Variants in MAP2 observed in about 807,000 individuals in gnomAD.
MAP2 encodes the protein microtubule associated protein 2.
Under a neutral mutation model 137.6 loss-of-function variants are expected in MAP2, and 14 were observed. The observed-to-expected ratio is 0.10, with a 90% CI of 0.07 to 0.16. The LOEUF is 0.16. MAP2 is among the 10% of genes least tolerant of loss of function. The pLI, the probability that MAP2 is intolerant of heterozygous loss-of-function variation, is 1.00. For synonymous variants in MAP2, 786 were observed against 782.3 expected, an observed-to-expected ratio of 1.00 and a Z score of -0.08; for missense variants, 2,088 against 2,191.5, an observed-to-expected ratio of 0.95 and a Z score of 0.94.
At chr2:209,640,328 G>A (rs13399574) in intron 4 of MAP2, among the ~76,000 whole-genome samples, 1 of 151,984 alleles carries the variant, frequency 6.6e-6, no homozygotes, top group African/African-American at 2.4e-5. Flanking sequence ...ATACACAGAA[G>A]CCTGTCCATT....
At chr2:209,723,706 T>C in intron 13 of MAP2, 1 of 1,588,230 alleles carries the variant, frequency 6.3e-7, no homozygotes, top group Non-Finnish European at 8.6e-7. Flanking sequence ...AAGCGCCTTT[T>C]AGAAAGCTGT....
chr2:209,492,317 A>T (rs970194083), intron 1 of MAP2, among the ~76,000 whole-genome samples: 1 of 152,204 alleles, frequency 6.6e-6, no homozygotes, highest in African/African-American at 2.4e-5. Context: ...TTTATGGCAA[A>T]CCCACAGCCA....
At chr2:209,549,618 T>C (rs897311797) in intron 2 of MAP2, among the ~76,000 whole-genome samples, 1 of 152,222 alleles carries the variant, frequency 6.6e-6, no homozygotes, top group Non-Finnish European at 1.5e-5. Flanking sequence ...CTGATATAGA[T>C]TTAAATGTCA....
In MAP2 at chr2:209,695,841, C is replaced by T. The variant is rs149194467; in HGVS notation, c.3671C>T (p.Thr1224Met). The change falls in exon 8 of 16, where the codon ACG (threonine) becomes ATG (methionine). Residue 1224 changes from threonine to methionine, a missense_variant. By Grantham distance (81) the Thr-to-Met change is moderately conservative. Around this residue, in one of 6 missense-constraint regions of MAP2, gnomAD observed 591 missense variants for 642.6 expected, o/e 0.92. Transcript: ENST00000682079. ...PSDVAEPLHE[T>M]IVSEPAEIQS... The stretch of plus-strand genomic sequence containing the variant: ...GATGTTGCAGAGCCATTGCATGAAA[C>T]GATCGTATCTGAACCAGCAGAGATT... The T allele has an allele frequency of 4.1e-5, 66 of 1,614,052 alleles. No individual in the cohort carries two copies. The African/African-American group carries it at 4.3e-4, about 10-fold the overall frequency.
chr2:209,633,128 A>G (rs2093248707), intron 4 of MAP2, among the ~76,000 whole-genome samples: 1 of 152,080 alleles, frequency 6.6e-6, no homozygotes, highest in African/African-American at 2.4e-5. Flanking sequence ...GTACTTCCTC[A>G]ATTTAATTAT....
chr2:209,695,630 A>T lies in MAP2; in HGVS notation c.3460A>T (p.Thr1154Ser). Residue 1154 changes from threonine (T) to serine (S), a missense_variant, in exon 8 of 16, where the codon ACA becomes TCA. This residue lies in a region of MAP2 where 591 missense variants were observed against 642.6 expected (regional missense o/e 0.92). Coordinates refer to ENST00000682079, the MANE Select transcript of MAP2 (RefSeq NM_001375505.1). ...SLKADEGKKE[T>S]SPESSLIQDE... ...GAAAGCTGATGAGGGCAAGAAGGAA[A>T]CATCTCCAGAATCATCTCTAATTCA... The T allele has an allele frequency of 1.2e-6, 2 of 1,614,090 alleles. No individual in the cohort carries two copies. The highest frequency in any genetic ancestry group is 1.7e-6 in the Non-Finnish European group (2 of 1,179,988).
intron 1 of MAP2, among the ~76,000 whole-genome samples, chr2:209,448,454 T>C (rs1699598640): frequency 6.6e-6 from 1 of 152,184 alleles, no homozygotes; most frequent in South Asian, 2.1e-4. Flanking sequence ...GAGTCTTCAC[T>C]TGGTTGTGTT....
Position 209,505,763 on chromosome 2 carries a change from G to A in MAP2, c.-221-1829G>A, listed in dbSNP as rs990191860. ...AAGGTGGGTGGATTGCTTGAGTTCA[G>A]GAGTTTGAGACCAGCCTGGGGAACA... On this transcript the variant is annotated intron_variant, in intron 1 of 15. Coordinates refer to ENST00000682079, the MANE Select transcript of MAP2 (RefSeq NM_001375505.1). 1.3e-5 allele frequency among the ~76,000 whole-genome samples: 2 copies of A among 152,044 alleles called. 1 individual carries two copies. Among genetic ancestry groups the A allele is most frequent in the African/African-American group, 4.8e-5 (2 of 41,394 alleles).
At chr2:209,681,241 G>T (rs1412567822) in intron 7 of MAP2, among the ~76,000 whole-genome samples, 1 of 152,158 alleles carries the variant, frequency 6.6e-6, no homozygotes, top group Non-Finnish European at 1.5e-5. Flanking sequence ...TTATGAAAGT[G>T]TCAGGAATTA....
At chr2:209,442,168 T>C (rs1185232149) in intron 1 of MAP2, among the ~76,000 whole-genome samples, 1 of 151,594 alleles carries the variant, frequency 6.6e-6, no homozygotes, top group Non-Finnish European at 1.5e-5. Flanking sequence ...GTATACTCAT[T>C]TAACTATTTC....
intron 2 of MAP2, among the ~76,000 whole-genome samples, chr2:209,573,211 A>G (rs1269461025): frequency 6.6e-6 from 1 of 151,958 alleles, no homozygotes; most frequent in Non-Finnish European, 1.5e-5. Context: ...TGGCCATGGA[A>G]TTCAAAGACT....
At chr2:209,603,603 A>G (rs2083666613) in intron 3 of MAP2, among the ~76,000 whole-genome samples, 1 of 152,158 alleles carries the variant, frequency 6.6e-6, no homozygotes, top group Admixed American at 6.6e-5. Context: ...GTTAATAGCT[A>G]AGAAGGGGTT....
rs550004754 is a variant in MAP2, at chr2:209,596,077, A to C, written c.-107+15977A>C. On this transcript the variant is annotated intron_variant, in intron 3 of 15. Transcript: ENST00000682079. Reference sequence around the variant, plus strand: ...TATGTAACAAACCTACACGTTGTGCACATGTACCCTAGAACTTAAAGTATA... The same window carrying C: ...TATGTAACAAACCTACACGTTGTGCCCATGTACCCTAGAACTTAAAGTATA... Among the ~76,000 whole-genome samples, 55 of 152,320 alleles carry C rather than the reference A, an allele frequency of 3.6e-4. No homozygotes were observed. The South Asian group carries it at 3.9e-3, about 11-fold the overall frequency.
chr2:209,436,023 A>AT (rs1553537313), intron 1 of MAP2, among the ~76,000 whole-genome samples: 9 of 140,186 alleles, frequency 6.4e-5, no homozygotes, highest in South Asian at 4.3e-4. Flanking sequence ...TATTATATAT[A>AT]AAATATATAT....
chr2:209,655,301 T>G (rs2095071938), intron 5 of MAP2, among the ~76,000 whole-genome samples: 1 of 152,206 alleles, frequency 6.6e-6, no homozygotes, highest in South Asian at 2.1e-4. Context: ...ACAAAAATTG[T>G]AAACAGTCAG....
chr2:209,571,142 T>C (rs1368059440), intron 2 of MAP2, among the ~76,000 whole-genome samples: 1 of 152,008 alleles, frequency 6.6e-6, no homozygotes, highest in Non-Finnish European at 1.5e-5. Context: ...ACATGGTATG[T>C]GTGTAAAATA....
At chr2:209,540,964 A>G (rs1300178265) in intron 2 of MAP2, among the ~76,000 whole-genome samples, 1 of 151,006 alleles carries the variant, frequency 6.6e-6, no homozygotes, top group Non-Finnish European at 1.5e-5. Flanking sequence ...TGGTCTATTA[A>G]GTGTGCAATA....
At chr2:209,478,343 T>C (rs1288210114) in intron 1 of MAP2, among the ~76,000 whole-genome samples, 1 of 152,146 alleles carries the variant, frequency 6.6e-6, no homozygotes, top group Non-Finnish European at 1.5e-5. Flanking sequence ...CATAATATTA[T>C]CTACCTCATA....
intron 2 of MAP2, among the ~76,000 whole-genome samples, chr2:209,559,049 A>C (rs2071360838): frequency 6.6e-6 from 1 of 152,132 alleles, no homozygotes; most frequent in African/African-American, 2.4e-5. Flanking sequence ...GTTTCAGCAT[A>C]CATCAGTGAT....
Sources: gnomAD v4.1 joint callset for allele counts (sites outside exome capture counted in the v4.1 genomes callset) on GRCh38, gnomAD v4.1.1 for gene constraint, gnomAD v4.1.1 regional missense constraint, MANE v1.5 for transcripts, NCBI Gene and HGNC (gene_info 2026-07-23, HGNC 2026-07-21) for gene names.